NELL1: variants seen among roughly 807,000 people sequenced by gnomAD.
NELL1 encodes protein kinase C-binding protein NELL1.
Under a neutral mutation model 107.4 loss-of-function variants are expected in NELL1, and 76 were observed. The observed-to-expected ratio is 0.71, with a 90% CI of 0.59 to 0.86. The LOEUF (loss-of-function observed/expected upper bound fraction) is 0.86. Among genes scored for constraint, NELL1 ranks in the 40% least tolerant of loss-of-function variants. The probability of loss-of-function intolerance (pLI) is 0.00; values close to 1 mark genes in which losing one functional copy is unlikely to be tolerated. For missense variants in NELL1, 1,024 were observed against 1,005.5 expected (o/e 1.02, Z -0.25); for synonymous variants, 353 against 341.2 (o/e 1.03, Z -0.38).
chr11:21,505,521 C>T (rs1855257551), intron 15 of NELL1, among the ~76,000 whole-genome samples: 1 of 152,128 alleles, frequency 6.6e-6, no homozygotes, highest in Non-Finnish European at 1.5e-5. Context: ...CACCCTACTC[C>T]TCCATAAGCC....
intron 13 of NELL1, among the ~76,000 whole-genome samples, chr11:21,200,625 C>A (rs996080365): frequency 6.6e-6 from 1 of 152,156 alleles, no homozygotes; most frequent in Non-Finnish European, 1.5e-5. Flanking sequence ...TGTGCAGAAG[C>A]AATTTAGTTT....
At chr11:21,294,823 G>C (rs1251594602) in intron 14 of NELL1, among the ~76,000 whole-genome samples, 1 of 151,972 alleles carries the variant, frequency 6.6e-6, no homozygotes, top group Non-Finnish European at 1.5e-5. Context: ...AGTGGACTAG[G>C]TTTCAGCGAC....
chr11:21,407,286 C>G (rs188788894), intron 15 of NELL1, among the ~76,000 whole-genome samples: 5 of 152,018 alleles, frequency 3.3e-5, no homozygotes, highest in Non-Finnish European at 7.4e-5. Flanking sequence ...CATGATGGCG[C>G]ATGCCTGTAG....
At chr11:21,212,762 G>A (rs951788177) in intron 13 of NELL1, among the ~76,000 whole-genome samples, 8 of 152,146 alleles carry the variant, frequency 5.3e-5, no homozygotes, top group African/African-American at 1.7e-4. Flanking sequence ...ATTATACTTC[G>A]TGGTGAAAGA....
chr11:21,056,164 A>G (rs1005191266), intron 12 of NELL1, among the ~76,000 whole-genome samples: 2 of 152,202 alleles, frequency 1.3e-5, no homozygotes, highest in Admixed American at 6.6e-5. Flanking sequence ...GGATAGAGTC[A>G]GACTGAATGA....
At chr11:20,925,082 T>C (rs1276477879) in intron 7 of NELL1, among the ~76,000 whole-genome samples, 1 of 152,192 alleles carries the variant, frequency 6.6e-6, no homozygotes. Flanking sequence ...ATATGCAAAC[T>C]ATACTATTTT....
At chr11:21,186,813 C>A (rs533439822) in intron 13 of NELL1, among the ~76,000 whole-genome samples, 5 of 151,720 alleles carry the variant, frequency 3.3e-5, no homozygotes, top group Non-Finnish European at 5.9e-5. Flanking sequence ...TTGTTTGATA[C>A]CATGTAGGAG....
chr11:21,237,029 C>A (rs1858225798), intron 14 of NELL1, among the ~76,000 whole-genome samples: 1 of 152,000 alleles, frequency 6.6e-6, no homozygotes, highest in South Asian at 2.1e-4. Flanking sequence ...ATATATTGGC[C>A]AAATATTTTA....
At chr11:21,346,570 A>C (rs1055799721) in intron 14 of NELL1, among the ~76,000 whole-genome samples, 3 of 147,384 alleles carry the variant, frequency 2.0e-5, no homozygotes, top group African/African-American at 7.4e-5. Flanking sequence ...TTGATATAAT[A>C]ATATATATGA....
chr11:20,793,302 C>T (rs941340178), intron 3 of NELL1, among the ~76,000 whole-genome samples: 2 of 151,712 alleles, frequency 1.3e-5, no homozygotes, highest in East Asian at 1.9e-4. Flanking sequence ...AGTAGTTGGA[C>T]GTTATAGTCT....
At chr11:21,309,107 T>C (rs1327488178) in intron 14 of NELL1, among the ~76,000 whole-genome samples, 1 of 151,406 alleles carries the variant, frequency 6.6e-6, no homozygotes, top group African/African-American at 2.4e-5. Flanking sequence ...GTATTGTCCC[T>C]ATTTTATTAA....
intron 19 of NELL1, among the ~76,000 whole-genome samples, chr11:21,574,360 G>C (rs950862526): frequency 6.6e-6 from 1 of 151,580 alleles, no homozygotes; most frequent in Non-Finnish European, 1.5e-5. Flanking sequence ...TGTACCTTCA[G>C]TCCCAGAGAA....
chr11:21,406,175 T>G (rs562413104), intron 15 of NELL1, among the ~76,000 whole-genome samples: 2 of 152,086 alleles, frequency 1.3e-5, no homozygotes, highest in Non-Finnish European at 2.9e-5. Flanking sequence ...TTCTTTATGA[T>G]TGTTTAGTTC....
chr11:21,061,952 C>G (rs2134363971), intron 12 of NELL1, among the ~76,000 whole-genome samples: 1 of 152,310 alleles, frequency 6.6e-6, no homozygotes, highest in African/African-American at 2.4e-5. Flanking sequence ...TTTCTATTCT[C>G]TCTCCTTGAA....
intron 15 of NELL1, among the ~76,000 whole-genome samples, chr11:21,451,100 C>T (rs7104854): frequency 0.76 from 114,088 of 149,958 alleles, 44,662 homozygotes; most frequent in South Asian, 0.91. Flanking sequence ...GGCAGGAGAA[C>T]GGCGTGAACC....
intron 12 of NELL1, among the ~76,000 whole-genome samples, chr11:21,060,468 T>C (rs1231865798): frequency 6.6e-6 from 1 of 152,178 alleles, no homozygotes; most frequent in Non-Finnish European, 1.5e-5. Context: ...GGATTGTCTT[T>C]GTGTGTGTGT....
intron 12 of NELL1, among the ~76,000 whole-genome samples, chr11:20,995,575 T>TA (rs768549713): frequency 2.2e-4 from 31 of 142,542 alleles, no homozygotes; most frequent in South Asian, 9.7e-4. Flanking sequence ...GAGACTCCAT[T>TA]AAAAAAAAAA....
chr11:21,058,529 T>C (rs1485089307), intron 12 of NELL1, among the ~76,000 whole-genome samples: 1 of 152,138 alleles, frequency 6.6e-6, no homozygotes, highest in African/African-American at 2.4e-5. Flanking sequence ...GGAGACTTTG[T>C]AGCATTTTAT....
chr11:20,855,078 T>C (rs1848858351), intron 4 of NELL1, among the ~76,000 whole-genome samples: 1 of 152,236 alleles, frequency 6.6e-6, no homozygotes, highest in Non-Finnish European at 1.5e-5. Context: ...GGCGTATTCA[T>C]ATCAACCTCG....
Sources: gnomAD v4.1 joint callset for allele counts (sites outside exome capture counted in the v4.1 genomes callset) on GRCh38, gnomAD v4.1.1 for gene constraint, MANE v1.5 for transcripts, NCBI Gene and HGNC (gene_info 2026-07-23, HGNC 2026-07-21) for gene names.